AOPEP: variants seen among roughly 807,000 people sequenced by gnomAD.
The protein encoded by AOPEP is aminopeptidase O (putative), also known as aminopeptidase O.
A neutral mutation model predicts 98.1 loss-of-function variants in AOPEP; 77 were observed. The ratio of observed to expected loss-of-function variants is 0.78; its 90% CI spans 0.65 to 0.95. The LOEUF (loss-of-function observed/expected upper bound fraction) is 0.95, where lower values mean the gene tolerates loss of function less well. AOPEP is among the 40% of genes least tolerant of loss of function. The pLI is 0.00. For synonymous variants in AOPEP, 346 were observed against 365.3 expected, an observed-to-expected ratio of 0.95 and a Z score of 0.60; for missense variants, 1,024 against 1,024.7, an observed-to-expected ratio of 1.00 and a Z score of 0.01.
At chr9:95,145,523 A>C in the AOPEP span, 1 of 152,204 alleles carries the variant, frequency 6.6e-6, no homozygotes, top group Admixed American at 6.5e-5. Flanking sequence ...CTGCAACTAG[A>C]AAAATTGGTT....
intron 4 of AOPEP, among the ~76,000 whole-genome samples, chr9:94,793,208 T>C (rs934034146): frequency 5.4e-5 from 8 of 147,678 alleles, no homozygotes; most frequent in Non-Finnish European, 1.2e-4. Context: ...CTACTAAAAA[T>C]ACAAAAAAAT....
chr9:95,112,063 C>G, the AOPEP span, among the ~76,000 whole-genome samples: 1 of 152,344 alleles, frequency 6.6e-6, no homozygotes, highest in African/African-American at 2.4e-5. Context: ...ACGCAAAGTT[C>G]AGGTGGATAT....
At chr9:95,129,295 AC>A in the AOPEP span, among the ~76,000 whole-genome samples, 1 of 152,212 alleles carries the variant, frequency 6.6e-6, no homozygotes, top group Admixed American at 6.5e-5. Flanking sequence ...GGACTAGAGT[AC>A]TACAGGTCAG....
intron 5 of AOPEP, among the ~76,000 whole-genome samples, chr9:94,867,382 C>T (rs956889630): frequency 2.0e-5 from 3 of 152,186 alleles, no homozygotes; most frequent in East Asian, 1.9e-4. Flanking sequence ...TTTCAGTTTA[C>T]GTAACAGTTT....
At chr9:95,135,425 A>G in the AOPEP span, 1 of 1,613,982 alleles carries the variant, frequency 6.2e-7, no homozygotes, top group South Asian at 1.1e-5. Flanking sequence ...AAAAAGATGC[A>G]GCATTGCTTT....
intron 4 of AOPEP, among the ~76,000 whole-genome samples, chr9:94,796,878 T>C (rs1564151479): frequency 6.6e-6 from 1 of 152,246 alleles, no homozygotes; most frequent in Non-Finnish European, 1.5e-5. Flanking sequence ...CTTTAACCTC[T>C]TGAGGCCTTT....
intron 7 of AOPEP, among the ~76,000 whole-genome samples, chr9:94,941,604 A>T (rs933345829): frequency 5.9e-5 from 9 of 152,214 alleles, no homozygotes; most frequent in Admixed American, 5.2e-4. Flanking sequence ...TTCCTGTTAG[A>T]GGGACACCCT....
chr9:94,943,688 G>A (rs1295408999), intron 7 of AOPEP, among the ~76,000 whole-genome samples: 1 of 151,478 alleles, frequency 6.6e-6, no homozygotes, highest in Non-Finnish European at 1.5e-5. Flanking sequence ...GGACGCTGAG[G>A]CGGGCAGATC....
chr9:95,010,393 C>G (rs1399232572), intron 13 of AOPEP, among the ~76,000 whole-genome samples: 1 of 152,188 alleles, frequency 6.6e-6, no homozygotes, highest in Non-Finnish European at 1.5e-5. Context: ...GAGCCATCAG[C>G]ACACAAAGCT....
chr9:94,794,146 G>A (rs577353555), intron 4 of AOPEP, among the ~76,000 whole-genome samples: 1 of 152,256 alleles, frequency 6.6e-6, no homozygotes, highest in African/African-American at 2.4e-5. Flanking sequence ...TCATTTTGAG[G>A]CTTTAAAAAA....
intron 7 of AOPEP, among the ~76,000 whole-genome samples, chr9:94,929,516 C>T (rs575263588): frequency 3.3e-5 from 5 of 152,378 alleles, no homozygotes; most frequent in South Asian, 2.1e-4. Flanking sequence ...AAGTTCCCTG[C>T]GCTTGCACGC....
chr9:95,110,869 C>A, the AOPEP span: 1 of 1,198,972 alleles, frequency 8.3e-7, no homozygotes, highest in Non-Finnish European at 1.0e-6. Flanking sequence ...CTGTCTTTGC[C>A]ACAGACAGTT....
At chr9:95,054,436 G>T (rs963405024) in intron 13 of AOPEP, among the ~76,000 whole-genome samples, 2 of 152,178 alleles carry the variant, frequency 1.3e-5, no homozygotes, top group Non-Finnish European at 2.9e-5. Context: ...CCAGAGGATT[G>T]CATGTTTCAT....
chr9:94,787,410 G>A (rs1844673029), intron 3 of AOPEP, among the ~76,000 whole-genome samples: 1 of 152,296 alleles, frequency 6.6e-6, no homozygotes, highest in Non-Finnish European at 1.5e-5. Flanking sequence ...TCCATTAGCA[G>A]TGTTTTCTCT....
At chr9:95,082,183 A>C (rs1213073609) in intron 15 of AOPEP, among the ~76,000 whole-genome samples, 1 of 152,084 alleles carries the variant, frequency 6.6e-6, no homozygotes, top group African/African-American at 2.4e-5. Flanking sequence ...CTAGGGACAC[A>C]CTTTGCGGGG....
At chr9:94,754,076 A>G (rs1164949321) in intron 1 of AOPEP, among the ~76,000 whole-genome samples, 1 of 152,264 alleles carries the variant, frequency 6.6e-6, no homozygotes, top group Non-Finnish European at 1.5e-5. Flanking sequence ...CAACATGTCT[A>G]TATTTCAAAA....
chr9:95,025,918 A>C (rs909580562), intron 13 of AOPEP, among the ~76,000 whole-genome samples: 2 of 152,124 alleles, frequency 1.3e-5, no homozygotes, highest in African/African-American at 4.8e-5. Flanking sequence ...GTAATAAGTA[A>C]GCTCCGAGTG....
intron 1 of AOPEP, among the ~76,000 whole-genome samples, chr9:94,747,427 G>A (rs1055919836): frequency 6.6e-6 from 1 of 152,156 alleles, no homozygotes; most frequent in African/African-American, 2.4e-5. Context: ...TAGAGTTACG[G>A]TTCCAGAGAG....
the AOPEP span, chr9:95,123,828 C>CTTTTTTTAA: frequency 1.1e-5 from 7 of 665,034 alleles, no homozygotes; most frequent in South Asian, 5.5e-5. Flanking sequence ...CAATTTAGAC[C>CTTTTTTTAA]TGCGGATGCT....
Sources: gnomAD v4.1 joint callset for allele counts (sites outside exome capture counted in the v4.1 genomes callset) on GRCh38, gnomAD v4.1.1 for gene constraint, MANE v1.5 for transcripts, NCBI Gene and HGNC (gene_info 2026-07-23, HGNC 2026-07-21) for gene names.